Variants in ARHGEF9 observed in about 807,000 individuals in gnomAD.
The protein encoded by ARHGEF9 is Cdc42 guanine nucleotide exchange factor 9.
A neutral mutation model predicts 41.3 loss-of-function variants in ARHGEF9; 2 were observed. The ratio of observed to expected loss-of-function variants is 0.05; its 90% CI spans 0.02 to 0.15. ARHGEF9 has a LOEUF of 0.15. Among genes scored for constraint, ARHGEF9 ranks in the 10% least tolerant of loss-of-function variants. The probability of loss-of-function intolerance (pLI) is 1.00; values close to 1 mark genes in which losing one functional copy is unlikely to be tolerated. For synonymous variants in ARHGEF9, 160 were observed against 154.4 expected, an observed-to-expected ratio of 1.04 and a Z score of -0.27; for missense variants, 225 against 424.7, an observed-to-expected ratio of 0.53 and a Z score of 4.13.
At chrX:63,728,995 C>T (rs1163286417) in intron 1 of ARHGEF9, among the ~76,000 whole-genome samples, 3 of 110,825 alleles carry the variant, frequency 2.7e-5, no homozygotes, top group Non-Finnish European at 5.7e-5. Flanking sequence ...GGAGTGATGG[C>T]TAAAAAGGTG....
chrX:63,638,351 G>A, intron 9 of ARHGEF9, 142 bp from the exon 10 acceptor site: 2 of 563,497 alleles, frequency 3.5e-6, no homozygotes, highest in Non-Finnish European at 5.9e-6. Context: ...ATCATCCAAG[G>A]GGAGAATTCC....
chrX:63,635,098 G>T lies in ARHGEF9; in HGVS notation c.*2930C>A, dbSNP rs1372299616. The T allele has an allele frequency of 3.0e-6, 1 of 333,042 alleles. No homozygotes were observed. Among genetic ancestry groups the T allele is most frequent in the East Asian group, 5.4e-5 (1 of 18,634 alleles). 27.4% of individuals were successfully genotyped at this position (333,042 alleles called of 1,213,427 possible). ...GTTTGACAGAGTCAGTCAGATAAAA[G>T]AAACAAAAGAATAAACTGGCAAATG... is the stretch of plus-strand genomic sequence containing the variant. On this transcript the variant is annotated 3_prime_UTR_variant, in exon 10 of 10. Transcript: ENST00000671741.
intron 4 of ARHGEF9, among the ~76,000 whole-genome samples, chrX:63,695,855 A>T (rs1157928567): frequency 9.0e-6 from 1 of 111,537 alleles, no homozygotes; most frequent in Non-Finnish European, 1.9e-5. Context: ...GCCCACAATA[A>T]GAACCTTGGA....
At chrX:63,646,695 A>G (rs2048109117) in intron 8 of ARHGEF9, among the ~76,000 whole-genome samples, 1 of 111,943 alleles carries the variant, frequency 8.9e-6, no homozygotes, top group Non-Finnish European at 1.9e-5. Flanking sequence ...TTGGCTTAGG[A>G]TTGACTTGGC....
At chrX:63,741,735 G>A (rs1234993448) in intron 1 of ARHGEF9, among the ~76,000 whole-genome samples, 4 of 112,744 alleles carry the variant, frequency 3.5e-5, no homozygotes, top group Non-Finnish European at 7.5e-5. Context: ...ATGCAGATGC[G>A]TACAAGTATC....
chrX:63,636,353 C>A lies in ARHGEF9; in HGVS notation c.*1675G>T, dbSNP rs1251185939. ...GTTCAAGGTCTATCCATGAAAAGGG[C>A]TATGTGTGGAGGAAAAACAGGTACT... On this transcript the variant is annotated 3_prime_UTR_variant, in exon 10 of 10. Transcript: ENST00000671741. 1 of 111,765 alleles carries A rather than the reference C, an allele frequency of 8.9e-6. No individual in the cohort carries two copies. The highest frequency in any genetic ancestry group is 3.3e-5 in the African/African-American group (1 of 30,653). 9.2% of individuals were successfully genotyped at this position (111,765 alleles called of 1,213,427 possible).
chrX:63,766,916 C>T, intron 1 of ARHGEF9: 2 of 418,884 alleles, frequency 4.8e-6, no homozygotes, highest in Admixed American at 6.4e-5. Flanking sequence ...CACCAAACTG[C>T]AGGAAAGGAA....
intron 3 of ARHGEF9, among the ~76,000 whole-genome samples, chrX:63,698,321 G>A (rs1210252832): frequency 1.8e-5 from 2 of 109,410 alleles, no homozygotes; most frequent in Non-Finnish European, 3.8e-5. Context: ...GAAAGCATTG[G>A]GGTAACATAA....
chrX:63,635,312 G>A lies in ARHGEF9; in HGVS notation c.*2716C>T, dbSNP rs1556295861. On this transcript the variant is annotated 3_prime_UTR_variant, in exon 10 of 10. Coordinates refer to ENST00000671741, the MANE Select transcript of ARHGEF9 (RefSeq NM_001353921.2). ...GGGGAAAAAGAGAGAATAATTAGAT[G>A]TCTGTCTTAGGACTCCCCACAGCAG... The A allele has an allele frequency of 5.8e-6, 3 of 520,067 alleles. No homozygotes were observed. Among genetic ancestry groups the A allele is most frequent in the South Asian group, 5.0e-5 (2 of 39,641 alleles). The allele number at this position is 520,067 out of a possible 1,213,427, so 42.9% of individuals were successfully genotyped here. A position where few individuals can be genotyped will look rare whatever the true frequency, so the allele number is the denominator to read the frequency against.
intron 4 of ARHGEF9, among the ~76,000 whole-genome samples, chrX:63,691,513 T>C (rs1441960887): frequency 9.0e-6 from 1 of 111,486 alleles, no homozygotes; most frequent in Non-Finnish European, 1.9e-5. Context: ...TATCCCATAT[T>C]GATGGATGGG....
intron 4 of ARHGEF9, among the ~76,000 whole-genome samples, chrX:63,688,408 T>C (rs1208938360): frequency 8.9e-6 from 1 of 112,162 alleles, no homozygotes; most frequent in Non-Finnish European, 1.9e-5. Context: ...CACTAATATG[T>C]ATCAAGAAAA....
At chrX:63,738,886 A>G (rs1399046286) in intron 1 of ARHGEF9, among the ~76,000 whole-genome samples, 2 of 111,332 alleles carry the variant, frequency 1.8e-5, no homozygotes, top group African/African-American at 6.5e-5. Flanking sequence ...AGAATAGCAA[A>G]AACAAGCAAG....
intron 4 of ARHGEF9, among the ~76,000 whole-genome samples, chrX:63,683,092 C>T (rs190157208): frequency 9.1e-6 from 1 of 109,552 alleles, no homozygotes; most frequent in Admixed American, 9.7e-5. Flanking sequence ...CCAAAAGACT[C>T]CCTCCAAAAA....
At chrX:63,755,788 C>A (rs1294022375) in intron 1 of ARHGEF9, 5 of 706,027 alleles carry the variant, frequency 7.1e-6, no homozygotes, top group Non-Finnish European at 8.4e-6. Context: ...GACAGAATTT[C>A]CAAAATCCAA....
intron 8 of ARHGEF9, among the ~76,000 whole-genome samples, chrX:63,651,219 C>A (rs1236181316): frequency 1.1e-4 from 12 of 110,858 alleles, no homozygotes; most frequent in African/African-American, 3.6e-4. Context: ...GTTTTTAAAC[C>A]TAGAATAAAT....
chrX:63,742,882 C>T (rs1464285116), intron 1 of ARHGEF9, among the ~76,000 whole-genome samples: 3 of 112,331 alleles, frequency 2.7e-5, no homozygotes, highest in African/African-American at 9.7e-5. Context: ...TCAATGCCAA[C>T]CTATCCAATT....
At chrX:63,669,944 TACTC>T (rs782177664) in intron 6 of ARHGEF9, among the ~76,000 whole-genome samples, 1 of 112,227 alleles carries the variant, frequency 8.9e-6, no homozygotes, top group South Asian at 3.7e-4. Context: ...GATATTTAAA[TACTC>T]AATAAATACT....
At position 63,673,686 on chromosome X, in the gene ARHGEF9, G is replaced by C. The variant is rs145374219; in HGVS notation, c.945+352C>G. On this transcript the variant is annotated intron_variant, in intron 6 of 9. Coordinates refer to ENST00000671741, the MANE Select transcript of ARHGEF9 (RefSeq NM_001353921.2). Reference sequence around the variant, plus strand: ...AGAACCAACCTCGTATTCTGTGTCTGGAAGTAAATTAGTATATACTATTTC... The same window carrying C: ...AGAACCAACCTCGTATTCTGTGTCTCGAAGTAAATTAGTATATACTATTTC... Among the ~76,000 whole-genome samples, 7 of 111,015 alleles carry C rather than the reference G, an allele frequency of 6.3e-5. No homozygotes were observed. The East Asian group carries it at 1.4e-3, about 23-fold the overall frequency.
chrX:63,697,312 C>T lies in ARHGEF9; in HGVS notation c.403-8G>A. ...GCACTGCTTCAGATAGCCCTGTAGA[C>T]AAAGAAAAAGCCTAGGCTGAGGAAG... On this transcript the variant is annotated splice_region_variant and splice_polypyrimidine_tract_variant and intron_variant, in intron 3 of 9. Transcript: ENST00000671741. 2 of 1,209,750 alleles carry T rather than the reference C, an allele frequency of 1.7e-6. No individual in the cohort carries two copies. Among genetic ancestry groups the T allele is most frequent in the Non-Finnish European group, 2.2e-6 (2 of 894,138 alleles).
Sources: allele counts gnomAD v4.1 joint callset (sites outside exome capture counted in the v4.1 genomes callset), GRCh38; gene constraint gnomAD v4.1.1; transcripts MANE v1.5; gene names NCBI Gene and HGNC (gene_info 2026-07-23, HGNC 2026-07-21).